Variants in RALY observed in about 807,000 individuals in gnomAD.
The protein encoded by RALY is RNA-binding protein Raly.
RALY carries 15 observed loss-of-function variants against 30.7 expected under a neutral mutation model. The ratio of observed to expected loss-of-function variants is 0.49; its 90% CI spans 0.33 to 0.75. RALY has a LOEUF of 0.75. Ranked by LOEUF, RALY falls within the 30% of genes least tolerant of loss-of-function variation. The probability of loss-of-function intolerance (pLI) is 0.02; values close to 1 mark genes in which losing one functional copy is unlikely to be tolerated. For synonymous variants in RALY, 177 were observed against 170.8 expected, an observed-to-expected ratio of 1.04 and a Z score of -0.28; for missense variants, 339 against 414.3, an observed-to-expected ratio of 0.82 and a Z score of 1.58.
intron 1 of RALY, among the ~76,000 whole-genome samples, chr20:34,009,497 A>T (rs2031305491): frequency 6.6e-6 from 1 of 151,956 alleles, no homozygotes; most frequent in African/African-American, 2.4e-5. Context: ...CAGCCTCCCA[A>T]AGTGCCAGGA....
rs2033914603 is a variant in RALY at position 34,077,154 on chromosome 20, C to T, written c.785C>T (p.Thr262Ile). ...SSRPPAPQEN[T>I]TSEAGLPQGE... Reference sequence around the variant, plus strand: ...CGGCCACCAGCCCCCCAAGAGAACACAACTTCTGAGGCAGGCCTGCCCCAG... The same window carrying T: ...CGGCCACCAGCCCCCCAAGAGAACATAACTTCTGAGGCAGGCCTGCCCCAG... Residue 262 changes from threonine (T) to isoleucine (I), a missense_variant, in exon 8 of 10, where the codon ACA becomes ATA. Thr to Ile is a moderately conservative substitution (Grantham distance 89, BLOSUM62 -1). Transcript: ENST00000246194. 4.3e-6 allele frequency: 7 copies of T among 1,613,276 alleles called. No homozygotes were observed. Among genetic ancestry groups the T allele is most frequent in the Non-Finnish European group, 5.9e-6 (7 of 1,179,882 alleles).
intron 1 of RALY, among the ~76,000 whole-genome samples, chr20:34,010,481 C>T (rs2031352946): frequency 6.6e-6 from 1 of 152,176 alleles, no homozygotes; most frequent in Non-Finnish European, 1.5e-5. Context: ...AAGCCATCCT[C>T]CCGCCTTGGC....
chr20:34,058,010 T>G (rs1193699194), intron 2 of RALY, among the ~76,000 whole-genome samples: 1 of 152,188 alleles, frequency 6.6e-6, no homozygotes, highest in African/African-American at 2.4e-5. Context: ...TATTACAGTT[T>G]TGGAGAAACT....
intron 2 of RALY, among the ~76,000 whole-genome samples, chr20:34,039,980 G>A (rs766756652): frequency 3.9e-5 from 6 of 152,018 alleles, no homozygotes; most frequent in South Asian, 2.1e-4. Flanking sequence ...GCATGGTGGC[G>A]TGTGCCAGTA....
intron 1 of RALY, among the ~76,000 whole-genome samples, chr20:33,994,855 A>C (rs2030527238): frequency 6.6e-6 from 1 of 152,112 alleles, no homozygotes; most frequent in Admixed American, 6.5e-5. Context: ...ATGAGACTTC[A>C]CCCAGGAACT....
At chr20:34,006,003 A>G (rs1476131257) in intron 1 of RALY, among the ~76,000 whole-genome samples, 4 of 152,242 alleles carry the variant, frequency 2.6e-5, no homozygotes, top group Non-Finnish European at 4.4e-5. Flanking sequence ...TGAAGGTGTC[A>G]TTGGTTGCTT....
At chr20:34,012,675 C>CT (rs1230851888) in intron 1 of RALY, among the ~76,000 whole-genome samples, 3 of 152,178 alleles carry the variant, frequency 2.0e-5, no homozygotes, top group Non-Finnish European at 4.4e-5. Context: ...AATAGGGAGA[C>CT]TAGACATCTT....
chr20:34,005,378 G>A (rs766652928), intron 1 of RALY, among the ~76,000 whole-genome samples: 1 of 151,990 alleles, frequency 6.6e-6, no homozygotes, highest in Non-Finnish European at 1.5e-5. Context: ...GCGTGGTGGC[G>A]CGTGCCTGTA....
At chr20:34,014,312 C>G (rs2031526634) in intron 1 of RALY, among the ~76,000 whole-genome samples, 1 of 152,090 alleles carries the variant, frequency 6.6e-6, no homozygotes, top group Non-Finnish European at 1.5e-5. Context: ...GCCTTTGGTC[C>G]TTTGGTCATA....
At chr20:34,046,547 A>G (rs962928086) in intron 2 of RALY, among the ~76,000 whole-genome samples, 1 of 152,208 alleles carries the variant, frequency 6.6e-6, no homozygotes, top group Non-Finnish European at 1.5e-5. Context: ...CTTAATAGGT[A>G]ACATTTCTTG....
chr20:34,057,797 A>G (rs1190953077), intron 2 of RALY, among the ~76,000 whole-genome samples: 2 of 152,176 alleles, frequency 1.3e-5, no homozygotes, highest in East Asian at 3.9e-4. Flanking sequence ...GGGGGGCTAC[A>G]TTCTAAAAAT....
chr20:34,071,403 G>A (rs1004424845), intron 2 of RALY, among the ~76,000 whole-genome samples: 9 of 151,552 alleles, frequency 5.9e-5, no homozygotes, highest in Admixed American at 5.3e-4. Flanking sequence ...TCAGCCTCCC[G>A]AGTAGCTGGG....
chr20:34,074,065 A>G (rs1332440686), intron 5 of RALY, among the ~76,000 whole-genome samples, 199 bp downstream of exon 5: 1 of 152,174 alleles, frequency 6.6e-6, no homozygotes, highest in Non-Finnish European at 1.5e-5. Context: ...CTACCACCAT[A>G]CAACACTGTC....
At position 34,083,738 on chromosome 20, in the gene RALY, C is replaced by T. The variant is rs1220022941; in HGVS notation, c.*3833C>T. The T allele has an allele frequency of 2.6e-5, 4 of 152,202 alleles. No homozygotes were observed. Among genetic ancestry groups the T allele is most frequent in the African/African-American group, 9.6e-5 (4 of 41,460 alleles). 9.4% of individuals were successfully genotyped at this position (152,202 alleles called of 1,614,324 possible). A position where few individuals can be genotyped will look rare whatever the true frequency, so the allele number is the denominator to read the frequency against. On this transcript the variant is annotated 3_prime_UTR_variant, in exon 10 of 10. Transcript: ENST00000246194. ...TATTTGCCATCCCTGGCCAGGTTGA[C>T]CCGTAAGGTCATAACCTGCCCCATA...
intron 1 of RALY, among the ~76,000 whole-genome samples, chr20:33,998,127 G>A (rs757047037): frequency 2.6e-5 from 4 of 152,188 alleles, no homozygotes; most frequent in Non-Finnish European, 4.4e-5. Context: ...GAATTAATGA[G>A]CCTCTGTTAG....
At position 34,077,071 on chromosome 20, in the gene RALY, CGGTGGT is replaced by C. The variant is rs539352667; in HGVS notation, c.708_713del (p.Gly237_Gly238del). The C allele has an allele frequency of 6.3e-7, 1 of 1,597,694 alleles. No individual in the cohort carries two copies. The highest frequency in any genetic ancestry group is 2.2e-5 in the East Asian group (1 of 44,488). ...ATGGAGGTGGCGCCGGCGGCGGCGG[CGGTGGT>C]GGTGGCAGCGGTGGCGGTGGCAGTG... On this transcript the variant is annotated inframe_deletion, in exon 8 of 10. Transcript: ENST00000246194.
intron 2 of RALY, among the ~76,000 whole-genome samples, chr20:34,066,169 CT>C (rs200689368): frequency 0.11 from 14,430 of 126,470 alleles, 597 homozygotes; most frequent in African/African-American, 0.15. Flanking sequence ...TGCTGATCCT[CT>C]TTTTTTTTTT....
At chr20:34,071,632 C>T (rs1320258120) in intron 2 of RALY, among the ~76,000 whole-genome samples, 1 of 152,026 alleles carries the variant, frequency 6.6e-6, no homozygotes, top group East Asian at 1.9e-4. Flanking sequence ...TTGCAAATAC[C>T]ATGTGACCAT....
chr20:34,029,484 G>T, intron 1 of RALY, among the ~76,000 whole-genome samples: 1 of 117,484 alleles, frequency 8.5e-6, no homozygotes, highest in Non-Finnish European at 1.8e-5. Flanking sequence ...AGGAAAGGGA[G>T]GGAGGGAGGG....
Sources: gnomAD v4.1 joint callset for allele counts (sites outside exome capture counted in the v4.1 genomes callset) on GRCh38, gnomAD v4.1.1 for gene constraint, MANE v1.5 for transcripts, NCBI Gene and HGNC (gene_info 2026-07-23, HGNC 2026-07-21) for gene names.